TRAK1: variants seen among roughly 807,000 people sequenced by gnomAD.
TRAK1 encodes trafficking kinesin protein 1.
In TRAK1, 33 loss-of-function variants were observed where a neutral mutation model predicts 92.1. That is an observed-to-expected ratio of 0.36 (90% CI 0.27 to 0.48). The LOEUF (loss-of-function observed/expected upper bound fraction) is 0.48, where lower values mean the gene tolerates loss of function less well. TRAK1 is among the 20% of genes least tolerant of loss of function. The probability of loss-of-function intolerance (pLI) is 0.99; values close to 1 mark genes in which losing one functional copy is unlikely to be tolerated. For synonymous variants in TRAK1, 521 were observed against 517.3 expected, an observed-to-expected ratio of 1.01 and a Z score of -0.10; for missense variants, 1,123 against 1,257.9, an observed-to-expected ratio of 0.89 and a Z score of 1.62.
intron 2 of TRAK1, among the ~76,000 whole-genome samples, chr3:42,174,875 G>A (rs1703002418): frequency 6.6e-6 from 1 of 150,738 alleles, no homozygotes; most frequent in African/African-American, 2.4e-5. Flanking sequence ...CCCCCTCTGT[G>A]TTATTTCTTC....
In TRAK1 at chr3:42,176,858, G is replaced by A; in HGVS notation, c.331G>A (p.Asp111Asn). 1 of 1,614,126 alleles carries A rather than the reference G, an allele frequency of 6.2e-7. No homozygotes were observed. The highest frequency in any genetic ancestry group is 1.3e-5 in the African/African-American group (1 of 75,042). Residue 111 changes from aspartate to asparagine, a missense_variant, in exon 3 of 16, where the codon GAC (aspartate) becomes AAC (asparagine). Asp to Asn is a conservative substitution (Grantham distance 23, BLOSUM62 1). Around this residue, in one of 3 missense-constraint regions of TRAK1, gnomAD observed 686 missense variants for 747.6 expected, o/e 0.92. Coordinates refer to ENST00000327628, the MANE Select transcript of TRAK1 (RefSeq NM_001042646.3). ...RVGQMTKTYN[D>N]IDAVTRLLEE... ...TGGCCAGATGACTAAGACATATAAT[G>A]ACATAGATGCTGTCACTCGGCTTCT...
chr3:42,149,242 G>T, intron 2 of TRAK1: 1 of 1,266,288 alleles, frequency 7.9e-7, no homozygotes, highest in Non-Finnish European at 1.0e-6. Context: ...CCCATTCAGG[G>T]CTGCTGTCCA....
At chr3:42,138,283 T>G (rs139699985) in intron 2 of TRAK1, among the ~76,000 whole-genome samples, 56 of 152,318 alleles carry the variant, frequency 3.7e-4, no homozygotes, top group African/African-American at 1.2e-3. Context: ...TCTAGTAGAT[T>G]ACAAATCGTC....
intron 1 of TRAK1, among the ~76,000 whole-genome samples, chr3:42,096,941 A>T (rs1706020192): frequency 6.6e-6 from 1 of 152,246 alleles, no homozygotes; most frequent in Non-Finnish European, 1.5e-5. Context: ...GAGGTTTTCC[A>T]CCTTCATCTT....
At chr3:42,114,453 C>T (rs1708901320) in intron 1 of TRAK1, among the ~76,000 whole-genome samples, 1 of 152,214 alleles carries the variant, frequency 6.6e-6, no homozygotes, top group Non-Finnish European at 1.5e-5. Flanking sequence ...GAATTTTACA[C>T]TTCAGATTGT....
intron 1 of TRAK1, among the ~76,000 whole-genome samples, chr3:42,071,863 A>G (rs1428735703): frequency 1.3e-5 from 2 of 152,090 alleles, no homozygotes; most frequent in South Asian, 2.1e-4. Flanking sequence ...TCTTCAAAGC[A>G]ATAGCTTTTC....
intron 1 of TRAK1, 102 bp from the exon 2 acceptor site, chr3:42,125,318 A>G (rs1710415245): frequency 2.0e-6 from 2 of 1,021,852 alleles, no homozygotes; most frequent in Admixed American, 2.7e-5. Context: ...TGTGCTGTAG[A>G]TAAATAACCG....
At chr3:42,053,607 C>T (rs961073889) in intron 1 of TRAK1, among the ~76,000 whole-genome samples, 4 of 152,034 alleles carry the variant, frequency 2.6e-5, no homozygotes, top group Non-Finnish European at 5.9e-5. Context: ...GATCTAGGCC[C>T]AGAGGACCTG....
intron 2 of TRAK1, among the ~76,000 whole-genome samples, chr3:42,145,484 C>CAAAAAAAAA (rs11381054): frequency 1.1e-5 from 1 of 89,684 alleles, no homozygotes. Flanking sequence ...GACTCTGTCT[C>CAAAAAAAAA]AAAAAAAAAA....
chr3:42,187,185 C>T (rs1308456793), intron 4 of TRAK1, among the ~76,000 whole-genome samples: 2 of 152,112 alleles, frequency 1.3e-5, no homozygotes, highest in African/African-American at 2.4e-5. Context: ...GAGCACGGAA[C>T]GAGGTCTGGC....
At chr3:42,160,345 T>C (rs769283794) in intron 2 of TRAK1, 1 of 1,613,766 alleles carries the variant, frequency 6.2e-7, no homozygotes, top group South Asian at 1.1e-5. Context: ...TGTTTTGGCT[T>C]TGGGGTGACT....
Position 42,021,975 on chromosome 3 carries a change from T to C in TRAK1, c.-519+7858T>C, listed in dbSNP as rs138232874. Among the ~76,000 whole-genome samples the C allele has an allele frequency of 3.8e-3, 572 of 152,360 alleles. 4 individuals are homozygous for C. The highest frequency in any genetic ancestry group is 0.013 in the African/African-American group (538 of 41,584). On this transcript the variant is annotated intron_variant, in intron 1 of 16. Coordinates refer to the TRAK1 transcript ENST00000487159. Reference sequence around the variant, plus strand: ...ATTATTGTTTTTACTGAACTCCTTATGATCCATTCATCCAAAAATAGTTTG... The same window carrying C: ...ATTATTGTTTTTACTGAACTCCTTACGATCCATTCATCCAAAAATAGTTTG...
rs375893415 is a variant in TRAK1, at chr3:42,191,857, A to G, written c.769+221A>G. On this transcript the variant is annotated intron_variant, in intron 7 of 15. Transcript: ENST00000327628. Reference sequence around the variant, plus strand: ...ATCTCAGTTTATCACTGAGGTGGATATTTAAATTTAATTTTGGCTTTATAC... The same window carrying G: ...ATCTCAGTTTATCACTGAGGTGGATGTTTAAATTTAATTTTGGCTTTATAC... Among the ~76,000 whole-genome samples the G allele has an allele frequency of 3.1e-4, 40 of 128,656 alleles. 1 individual carries two copies. The highest frequency in any genetic ancestry group is 1.2e-3 in the African/African-American group (39 of 33,666). The allele number at this position is 128,656 out of a possible 152,430, so 84.4% of individuals were successfully genotyped here. A position where few individuals can be genotyped will look rare whatever the true frequency, so the allele number is the denominator to read the frequency against.
At chr3:42,168,845 A>G (rs1640347127) in intron 2 of TRAK1, among the ~76,000 whole-genome samples, 2 of 150,818 alleles carry the variant, frequency 1.3e-5, no homozygotes, top group African/African-American at 2.4e-5. Flanking sequence ...ATTTTTTGAG[A>G]TGGAGTCTCA....
intron 13 of TRAK1, among the ~76,000 whole-genome samples, chr3:42,207,917 C>T (rs1708514610): frequency 6.6e-6 from 1 of 152,180 alleles, no homozygotes; most frequent in African/African-American, 2.4e-5. Context: ...TGGGGGCTGT[C>T]CTGTACATTG....
chr3:42,063,252 T>G (rs576000758), intron 1 of TRAK1, among the ~76,000 whole-genome samples: 1 of 152,268 alleles, frequency 6.6e-6, no homozygotes, highest in Non-Finnish European at 1.5e-5. Context: ...GAAATAGTTA[T>G]TATTTTCCGC....
chr3:42,021,828 C>T (rs762773386), intron 1 of TRAK1, among the ~76,000 whole-genome samples: 1 of 152,188 alleles, frequency 6.6e-6, no homozygotes, highest in Non-Finnish European at 1.5e-5. Context: ...CTGCCTCGGC[C>T]TCCCAAAGTG....
chr3:42,160,289 T>C (rs1576697599), intron 2 of TRAK1: 1 of 1,582,272 alleles, frequency 6.3e-7, no homozygotes. Flanking sequence ...ATGGCTCCTC[T>C]GGGTAGGGGG....
At chr3:42,187,902 A>C in intron 4 of TRAK1, 143 bp from the exon 5 acceptor site, 1 of 715,436 alleles carries the variant, frequency 1.4e-6, no homozygotes, top group East Asian at 2.5e-5. Flanking sequence ...TTTGAATAGC[A>C]CAAAATCAGT....
Sources: allele counts gnomAD v4.1 joint callset (sites outside exome capture counted in the v4.1 genomes callset), GRCh38; gene constraint gnomAD v4.1.1; regional missense constraint gnomAD v4.1.1; transcripts MANE v1.5; gene names NCBI Gene and HGNC (gene_info 2026-07-23, HGNC 2026-07-21).